The following POLA1 variants were observed in gnomAD, a reference collection of about 807,000 sequenced individuals.
The protein encoded by POLA1 is DNA polymerase alpha catalytic subunit.
A neutral mutation model predicts 124.0 loss-of-function variants in POLA1; 15 were observed. That is an observed-to-expected ratio of 0.12 (90% CI 0.08 to 0.19). The LOEUF (loss-of-function observed/expected upper bound fraction) is 0.19, where lower values mean the gene tolerates loss of function less well. POLA1 is among the 10% of genes least tolerant of loss of function. The pLI is 1.00. For missense variants in POLA1, 886 were observed against 1,103.4 expected (o/e 0.80, Z 2.79); for synonymous variants, 408 against 389.4 (o/e 1.05, Z -0.56).
At chrX:24,824,677 C>G (rs987093843) in intron 31 of POLA1, among the ~76,000 whole-genome samples, 1 of 109,067 alleles carries the variant, frequency 9.2e-6, no homozygotes, top group African/African-American at 3.3e-5. Flanking sequence ...GTCATCTAAC[C>G]AAGTCTTTTG....
Position 24,725,861 on chromosome X carries a change from T to TC in POLA1, c.1318-119dup, listed in dbSNP as rs757830396. 7.5e-5 allele frequency: 36 copies of TC among 480,001 alleles called. No homozygotes were observed. The South Asian group carries it at 1.5e-3, about 20-fold the overall frequency. 39.6% of individuals were successfully genotyped at this position (480,001 alleles called of 1,213,427 possible). A position where few individuals can be genotyped will look rare whatever the true frequency, so the allele number is the denominator to read the frequency against. On this transcript the variant is annotated intron_variant, in intron 12 of 36. Transcript: ENST00000379068. ...AAGAGGAAAGGGTACCTTTTTGGCT[T>TC]CATTTACCTTTGTGTTCCATAAGGA...
At chrX:24,980,597 G>A (rs1028451526) in intron 36 of POLA1, among the ~76,000 whole-genome samples, 7 of 110,575 alleles carry the variant, frequency 6.3e-5, no homozygotes, top group Non-Finnish European at 1.3e-4. Context: ...AGTTTTGACA[G>A]TTTGTGTGTG....
chrX:24,945,457 C>G lies in POLA1; in HGVS notation c.4261+14908C>G, dbSNP rs779176564. On this transcript the variant is annotated intron_variant, in intron 36 of 36. Transcript: ENST00000379068. ...GTATGAAAAAAGCATGGTCCCTGTTCTCAAGGAGCTTAAAATATATCTTGA... is the reference window on the plus strand; with the variant it reads ...GTATGAAAAAAGCATGGTCCCTGTTGTCAAGGAGCTTAAAATATATCTTGA... 2.7e-5 allele frequency among the ~76,000 whole-genome samples: 3 copies of G among 112,505 alleles called. No individual in the cohort carries two copies. The East Asian group carries it at 8.3e-4, about 31-fold the overall frequency.
At chrX:24,925,155 A>C (rs941515751) in intron 35 of POLA1, among the ~76,000 whole-genome samples, 1 of 112,143 alleles carries the variant, frequency 8.9e-6, no homozygotes, top group Admixed American at 9.4e-5. Flanking sequence ...AGTTATAGCG[A>C]GTGCTGGATT....
At position 24,717,509 on chromosome X, in the gene POLA1, C is replaced by T; in HGVS notation, c.908+18C>T. On this transcript the variant is annotated intron_variant, in intron 9 of 36. Coordinates refer to ENST00000379068, the MANE Select transcript of POLA1 (RefSeq NM_001330360.2). ...TCCTACTTGTAAGAGCATTTTATGA[C>T]TTTTCTGGCAAATAGGACCACAATT... is the stretch of plus-strand genomic sequence containing the variant. The T allele has an allele frequency of 8.3e-7, 1 of 1,204,666 alleles. No individual in the cohort carries two copies. Among genetic ancestry groups the T allele is most frequent in the Non-Finnish European group, 1.1e-6 (1 of 889,134 alleles).
chrX:24,916,571 G>A (rs752000690), intron 35 of POLA1, among the ~76,000 whole-genome samples: 11 of 111,269 alleles, frequency 9.9e-5, no homozygotes, highest in African/African-American at 3.3e-4. Flanking sequence ...GAGCCACCGC[G>A]CCCGGCCACT....
chrX:24,940,410 G>A (rs1011609467), intron 36 of POLA1, among the ~76,000 whole-genome samples: 2 of 111,690 alleles, frequency 1.8e-5, no homozygotes, highest in East Asian at 2.8e-4. Flanking sequence ...CTAATTGGAC[G>A]TTGGTTGAAT....
At chrX:24,836,792 C>T (rs2046347195) in intron 32 of POLA1, among the ~76,000 whole-genome samples, 1 of 111,592 alleles carries the variant, frequency 9.0e-6, no homozygotes, top group African/African-American at 3.3e-5. Flanking sequence ...ATGCTTACGA[C>T]CAGAAGTGTT....
chrX:24,979,694 A>G (rs894423646), intron 36 of POLA1, among the ~76,000 whole-genome samples: 8 of 112,404 alleles, frequency 7.1e-5, no homozygotes, highest in Non-Finnish European at 1.5e-4. Context: ...AGGAAACACA[A>G]GAAACAAAAA....
At chrX:24,744,458 T>G (rs1349050187) in intron 23 of POLA1, 1 of 339,306 alleles carries the variant, frequency 2.9e-6, no homozygotes, top group South Asian at 2.7e-5. Flanking sequence ...TTATTTTTAT[T>G]CAGTTTCTTC....
chrX:24,967,720 T>TAAGAC (rs2048240881), intron 36 of POLA1, among the ~76,000 whole-genome samples: 1 of 108,854 alleles, frequency 9.2e-6, no homozygotes, highest in African/African-American at 3.4e-5. Flanking sequence ...TCAAGCTTAC[T>TAAGAC]TAAGACCTCA....
chrX:24,829,792 G>A (rs2046234870), intron 32 of POLA1, among the ~76,000 whole-genome samples: 1 of 111,847 alleles, frequency 8.9e-6, no homozygotes, highest in Admixed American at 9.5e-5. Flanking sequence ...AAGTGTTAGG[G>A]GGTACGTGGT....
intron 32 of POLA1, among the ~76,000 whole-genome samples, chrX:24,834,379 A>G (rs747171390): frequency 6.2e-5 from 7 of 112,062 alleles, no homozygotes; most frequent in Non-Finnish European, 1.3e-4. Flanking sequence ...TTTTCCATTT[A>G]TATTATGAAG....
intron 26 of POLA1, among the ~76,000 whole-genome samples, chrX:24,785,160 C>T (rs1361612284): frequency 1.8e-5 from 2 of 112,256 alleles, no homozygotes; most frequent in African/African-American, 6.5e-5. Flanking sequence ...TCTCTTTCTG[C>T]TTATATATTC....
intron 34 of POLA1, among the ~76,000 whole-genome samples, chrX:24,878,911 TCTC>T (rs1407566515): frequency 9.0e-6 from 1 of 111,120 alleles, no homozygotes; most frequent in Admixed American, 9.6e-5. Context: ...GGCAAAACTG[TCTC>T]CTCGTTAATA....
rs775222433 is a variant in POLA1 at position 24,765,506 on chromosome X, G to T, written c.2964+16514G>T. On this transcript the variant is annotated intron_variant, in intron 26 of 36. Transcript: ENST00000379068. ...AGACAGGGTTTCGCCGTGGTTGGCC[G>T]TGCTGGTCTTGAACTCCTGACCTCA... Among the ~76,000 whole-genome samples, 3 of 109,429 alleles carry T rather than the reference G, an allele frequency of 2.7e-5. No individual in the cohort carries two copies. The East Asian group carries it at 8.6e-4, about 31-fold the overall frequency.
At chrX:24,884,420 A>G (rs2047040574) in intron 34 of POLA1, among the ~76,000 whole-genome samples, 1 of 112,201 alleles carries the variant, frequency 8.9e-6, no homozygotes, top group Non-Finnish European at 1.9e-5. Context: ...AAGTGCTGGG[A>G]TTACAGGCAT....
chrX:24,763,984 T>G (rs978107360), intron 26 of POLA1, among the ~76,000 whole-genome samples: 1 of 111,713 alleles, frequency 9.0e-6, no homozygotes, highest in Non-Finnish European at 1.9e-5. Context: ...ACCTACAGCT[T>G]ACTGCTTTAC....
rs776814925 is a variant in POLA1, at chrX:24,716,993, A to G, written c.706+22A>G. 9 of 1,026,954 alleles carry G rather than the reference A, an allele frequency of 8.8e-6. No homozygotes were observed. The South Asian group carries it at 1.2e-4, about 14-fold the overall frequency. The allele number at this position is 1,026,954 out of a possible 1,213,427, so 84.6% of individuals were successfully genotyped here. A position where few individuals can be genotyped will look rare whatever the true frequency, so the allele number is the denominator to read the frequency against. On this transcript the variant is annotated intron_variant, in intron 8 of 36. Coordinates refer to ENST00000379068, the MANE Select transcript of POLA1 (RefSeq NM_001330360.2). The stretch of plus-strand genomic sequence containing the variant: ...GCTGGTAAGTGTGATGTCAGGCAGA[A>G]TTGCAAGAGTGTTGAGTGGTTTCTG...
Sources: allele counts gnomAD v4.1 joint callset (sites outside exome capture counted in the v4.1 genomes callset), GRCh38; gene constraint gnomAD v4.1.1; transcripts MANE v1.5; gene names NCBI Gene and HGNC (gene_info 2026-07-23, HGNC 2026-07-21).